The following IL15 variants were observed in gnomAD, a reference collection of about 807,000 sequenced individuals.
The protein encoded by IL15 is interleukin 15.
IL15 carries 11 observed loss-of-function variants against 19.6 expected under a neutral mutation model. The observed-to-expected ratio is 0.56, with a 90% confidence interval of 0.35 to 0.93. The LOEUF is 0.93. IL15 is among the 40% of genes least tolerant of loss of function. The pLI is 0.01. For synonymous variants in IL15, 58 were observed against 59.6 expected, an observed-to-expected ratio of 0.97 and a Z score of 0.12; for missense variants, 197 against 186.5, an observed-to-expected ratio of 1.06 and a Z score of -0.33.
chr4:141,721,417 G>A (rs948096291), intron 4 of IL15: 16 of 625,576 alleles, frequency 2.6e-5, no homozygotes, highest in Non-Finnish European at 4.4e-5. Context: ...GGAGAAAGCT[G>A]CTGCAAGCAT....
chr4:141,720,844 T>G (rs1434135193), intron 4 of IL15: 14 of 544,198 alleles, frequency 2.6e-5, no homozygotes, highest in Non-Finnish European at 3.9e-5. Context: ...TACCACTTAT[T>G]GATAGACTAC....
chr4:141,697,635 T>A (rs1261242209), intron 2 of IL15, among the ~76,000 whole-genome samples: 1 of 152,156 alleles, frequency 6.6e-6, no homozygotes, highest in East Asian at 1.9e-4. Flanking sequence ...ATTCTACCCA[T>A]CCATGAGCAT....
At chr4:141,717,118 A>G (rs1729912918) in intron 2 of IL15, 1 of 152,200 alleles carries the variant, frequency 6.6e-6, no homozygotes, top group South Asian at 2.1e-4. Context: ...GATTTAGATA[A>G]GTATTAACTA....
intron 2 of IL15, among the ~76,000 whole-genome samples, chr4:141,658,272 C>T (rs889115704): frequency 6.6e-6 from 1 of 152,118 alleles, no homozygotes; most frequent in South Asian, 2.1e-4. Flanking sequence ...GAGGCCTCCC[C>T]AGTCATGCTT....
chr4:141,683,767 T>G (rs1728618783), intron 2 of IL15, among the ~76,000 whole-genome samples: 1 of 152,052 alleles, frequency 6.6e-6, no homozygotes, highest in Non-Finnish European at 1.5e-5. Flanking sequence ...TATTTGAAGA[T>G]GGAGATGATG....
In IL15 at chr4:141,681,775, C is replaced by A. The variant is rs149960662; in HGVS notation, c.-100+25468C>A. Among the ~76,000 whole-genome samples the A allele has an allele frequency of 7.4e-4, 113 of 152,040 alleles. 3 individuals are homozygous for A. The East Asian group carries it at 0.016, about 22-fold the overall frequency. On this transcript the variant is annotated intron_variant, in intron 2 of 7. Transcript: ENST00000320650. ...ATAAGACTTTCTTTTCAGTTAATAA[C>A]CCAAAGTGTCTCTTCAGATGCTTAA... is the stretch of plus-strand genomic sequence containing the variant.
Position 141,651,712 on chromosome 4 carries a change from C to T in IL15, c.-221-4474C>T, listed in dbSNP as rs578072230. On this transcript the variant is annotated intron_variant, in intron 1 of 7. Coordinates refer to ENST00000320650, the MANE Select transcript of IL15 (RefSeq NM_000585.5). ...AACCCGGATGATATACATATATATTCGGTAAGATTTTTCAATTTTCTTTGT... is the reference window on the plus strand; with the variant it reads ...AACCCGGATGATATACATATATATTTGGTAAGATTTTTCAATTTTCTTTGT... 5.3e-5 allele frequency among the ~76,000 whole-genome samples: 8 copies of T among 152,012 alleles called. No individual in the cohort carries two copies. In the South Asian group the frequency reaches 1.7e-3, roughly 32 times the overall value.
intron 1 of IL15, among the ~76,000 whole-genome samples, chr4:141,639,018 G>A (rs548364919): frequency 1.3e-5 from 2 of 152,140 alleles, no homozygotes; most frequent in Non-Finnish European, 2.9e-5. Flanking sequence ...TATAACTTAA[G>A]TTATGAGAAA....
At chr4:141,720,592 A>C in intron 4 of IL15, 26 bp downstream of exon 4, 1 of 1,099,812 alleles carries the variant, frequency 9.1e-7, no homozygotes, top group Non-Finnish European at 1.4e-6. Flanking sequence ...GGCATAAATA[A>C]CATTATGTTC....
At chr4:141,693,415 G>A (rs1039222697) in intron 2 of IL15, among the ~76,000 whole-genome samples, 1 of 152,094 alleles carries the variant, frequency 6.6e-6, no homozygotes, top group African/African-American at 2.4e-5. Context: ...TAAAGGACAG[G>A]AACCATGCTC....
intron 2 of IL15, among the ~76,000 whole-genome samples, chr4:141,693,016 C>CCAAAAAAAAAAAAAAAAA (rs1728968337): frequency 1.3e-4 from 3 of 23,232 alleles, no homozygotes; most frequent in Non-Finnish European, 1.5e-4. Flanking sequence ...GACTCCGTCT[C>CCAAAAAAAAAAAAAAAAA]AAAAAAAAAA....
rs1293085931 is a variant in IL15 at position 141,641,014 on chromosome 4, T to C, written c.-222+4266T>C. Among the ~76,000 whole-genome samples the C allele has an allele frequency of 2.6e-5, 4 of 152,168 alleles. No individual in the cohort carries two copies. The South Asian group carries it at 8.3e-4, about 31-fold the overall frequency. ...ACGAAAGGAGCCCAGAGAGGGTCTT[T>C]GGTCCCTTATATCACTGAATGCTAC... On this transcript the variant is annotated intron_variant, in intron 1 of 7. Coordinates refer to ENST00000320650, the MANE Select transcript of IL15 (RefSeq NM_000585.5).
chr4:141,728,661 A>C (rs3775596), intron 6 of IL15, among the ~76,000 whole-genome samples: 20,605 of 152,054 alleles, frequency 0.14, 1,855 homozygotes, highest in East Asian at 0.41. Flanking sequence ...TCTCTCCATT[A>C]TTCCTCAATT....
chr4:141,705,618 A>T (rs1290654254), intron 2 of IL15, among the ~76,000 whole-genome samples: 2 of 151,856 alleles, frequency 1.3e-5, no homozygotes, highest in Admixed American at 1.3e-4. Flanking sequence ...TTTAAGTCCA[A>T]TGTTTCTTTG....
intron 2 of IL15, among the ~76,000 whole-genome samples, chr4:141,693,003 C>G (rs929249626): frequency 2.4e-5 from 1 of 40,858 alleles, no homozygotes; most frequent in African/African-American, 1.2e-4. Context: ...GGGAACAGAG[C>G]AAGACTCCGT....
chr4:141,653,458 A>G (rs529152356), intron 1 of IL15, among the ~76,000 whole-genome samples: 3 of 152,324 alleles, frequency 2.0e-5, no homozygotes, highest in South Asian at 4.1e-4. Flanking sequence ...ATTCCCTTCT[A>G]TAGATGCAAC....
At chr4:141,717,861 A>T (rs980836776) in intron 2 of IL15, 1 of 152,010 alleles carries the variant, frequency 6.6e-6, no homozygotes, top group Non-Finnish European at 1.5e-5. Flanking sequence ...GGGTTTCACC[A>T]TGTTGGTCAG....
At chr4:141,709,465 G>A (rs1729641470) in intron 2 of IL15, among the ~76,000 whole-genome samples, 1 of 152,240 alleles carries the variant, frequency 6.6e-6, no homozygotes, top group Non-Finnish European at 1.5e-5. Context: ...TGGTTAAATA[G>A]TTAGGAATTT....
chr4:141,732,470 T>C (rs373828806), intron 7 of IL15, among the ~76,000 whole-genome samples: 12 of 152,284 alleles, frequency 7.9e-5, no homozygotes, highest in African/African-American at 1.9e-4. Flanking sequence ...TAGGAAACCA[T>C]TGAAGGGCTC....
Sources: gnomAD v4.1 joint callset for allele counts (sites outside exome capture counted in the v4.1 genomes callset) on GRCh38, gnomAD v4.1.1 for gene constraint, MANE v1.5 for transcripts, NCBI Gene and HGNC (gene_info 2026-07-23, HGNC 2026-07-21) for gene names.